Variants in NR3C1 observed in about 807,000 individuals in gnomAD.
NR3C1 encodes the protein nuclear receptor subfamily 3 group C member 1.
Under a neutral mutation model 74.0 loss-of-function variants are expected in NR3C1, and 14 were observed. The ratio of observed to expected loss-of-function variants is 0.19; its 90% confidence interval spans 0.12 to 0.30. NR3C1 has a LOEUF of 0.30. Ranked by LOEUF, NR3C1 falls within the 10% of genes least tolerant of loss-of-function variation. The probability of loss-of-function intolerance (pLI) is 1.00; values close to 1 mark genes in which losing one functional copy is unlikely to be tolerated. For missense variants in NR3C1, 695 were observed against 909.8 expected, an observed-to-expected ratio of 0.76 and a Z score of 3.04; for synonymous variants, 308 against 332.5, an observed-to-expected ratio of 0.93 and a Z score of 0.80.
intron 2 of NR3C1, among the ~76,000 whole-genome samples, chr5:143,377,578 G>GA (rs1835433824): frequency 6.6e-6 from 1 of 152,216 alleles, no homozygotes; most frequent in Non-Finnish European, 1.5e-5. Flanking sequence ...TTTGAGGTCA[G>GA]AAAAAACACA....
At position 143,303,830 on chromosome 5, in the gene NR3C1, A is replaced by C. The variant is rs1819015759; in HGVS notation, c.1469-3067T>G. On this transcript the variant is annotated intron_variant, in intron 4 of 8. Coordinates refer to ENST00000394464, the MANE Select transcript of NR3C1 (RefSeq NM_000176.3). ...CCACATAACAAAAAAAATAATGATCATCTCAATAGATGCAGAAAAAGTTGC... is the reference window on the plus strand; with the variant it reads ...CCACATAACAAAAAAAATAATGATCCTCTCAATAGATGCAGAAAAAGTTGC... Among the ~76,000 whole-genome samples, 3 of 152,178 alleles carry C rather than the reference A, an allele frequency of 2.0e-5. No homozygotes were observed. In the South Asian group the frequency reaches 6.2e-4, roughly 31 times the overall value.
At chr5:143,310,317 A>G (rs1820615207) in intron 3 of NR3C1, 104 bp from the exon 4 acceptor site, 2 of 814,918 alleles carry the variant, frequency 2.5e-6, no homozygotes, top group Admixed American at 3.8e-5. Context: ...CAAGACACCC[A>G]CAGGTATTGC....
At chr5:143,364,897 G>A (rs1316337966) in intron 2 of NR3C1, among the ~76,000 whole-genome samples, 2 of 152,000 alleles carry the variant, frequency 1.3e-5, no homozygotes, top group African/African-American at 2.4e-5. Context: ...TGTAGAGACA[G>A]TATCTCAGTA....
chr5:143,367,311 A>G lies in NR3C1; in HGVS notation c.1184+32345T>C, dbSNP rs1162112443. Among the ~76,000 whole-genome samples, 6 of 152,196 alleles carry G rather than the reference A, an allele frequency of 3.9e-5. No individual in the cohort carries two copies. In the East Asian group the frequency reaches 1.2e-3, roughly 29 times the overall value. On this transcript the variant is annotated intron_variant, in intron 2 of 8. Transcript: ENST00000394464. ...AACTATGAAAACCCCACAACAACAC[A>G]CTTAAACTGAAAGGTTTCCCCACAA...
In NR3C1 at chr5:143,319,450, T is replaced by C. The variant is rs547893887; in HGVS notation, c.1185-5282A>G. Among the ~76,000 whole-genome samples the C allele has an allele frequency of 1.6e-4, 24 of 152,322 alleles. No individual in the cohort carries two copies. The South Asian group carries it at 1.7e-3, about 11-fold the overall frequency. On this transcript the variant is annotated intron_variant, in intron 2 of 8. Transcript: ENST00000394464. ...TCACCTCAGAAAGCAAGTGTTAATA[T>C]GGAAAAAAATTCCAGAAATACAGCT...
chr5:143,409,381 A>G (rs1196179428), intron 1 of NR3C1: 1 of 151,820 alleles, frequency 6.6e-6, no homozygotes, highest in Non-Finnish European at 1.5e-5. Context: ...TTCAGTTTCC[A>G]TTTATTCTTT....
At chr5:143,384,449 A>C (rs916059955) in intron 2 of NR3C1, among the ~76,000 whole-genome samples, 2 of 152,226 alleles carry the variant, frequency 1.3e-5, no homozygotes, top group Non-Finnish European at 2.9e-5. Flanking sequence ...GGGTCAAGGC[A>C]AGTCCACTCT....
chr5:143,392,802 A>G (rs568386871), intron 2 of NR3C1, among the ~76,000 whole-genome samples: 1 of 152,338 alleles, frequency 6.6e-6, no homozygotes, highest in African/African-American at 2.4e-5. Flanking sequence ...AAAAATCTAA[A>G]TGAGTCAAAA....
chr5:143,424,374 G>T (rs939133372), intron 1 of NR3C1, among the ~76,000 whole-genome samples: 6 of 152,082 alleles, frequency 3.9e-5, no homozygotes, highest in African/African-American at 1.4e-4. Context: ...GAATTGCAAT[G>T]CTTCTAACAC....
At chr5:143,347,252 G>C (rs572021610) in intron 2 of NR3C1, among the ~76,000 whole-genome samples, 2 of 152,274 alleles carry the variant, frequency 1.3e-5, no homozygotes, top group African/African-American at 4.8e-5. Context: ...GAAGAATATA[G>C]TCTGTAACAT....
chr5:143,397,470 C>T (rs1311422786), intron 2 of NR3C1, among the ~76,000 whole-genome samples: 1 of 151,836 alleles, frequency 6.6e-6, no homozygotes, highest in African/African-American at 2.4e-5. Flanking sequence ...TAGACTAATT[C>T]AATGATGGTT....
At chr5:143,298,947 T>C (rs922944203) in intron 5 of NR3C1, 135 bp from the exon 6 acceptor site, 1 of 748,446 alleles carries the variant, frequency 1.3e-6, no homozygotes, top group Admixed American at 2.1e-5. Context: ...AATTAAATAC[T>C]AGGTAGACAC....
At chr5:143,387,961 T>C (rs1837553545) in intron 2 of NR3C1, among the ~76,000 whole-genome samples, 1 of 152,204 alleles carries the variant, frequency 6.6e-6, no homozygotes, top group Non-Finnish European at 1.5e-5. Flanking sequence ...ATTAGACTCA[T>C]CTGCTTAAAT....
intron 2 of NR3C1, among the ~76,000 whole-genome samples, chr5:143,380,179 T>A (rs1835929004): frequency 6.6e-6 from 1 of 152,190 alleles, no homozygotes; most frequent in Non-Finnish European, 1.5e-5. Flanking sequence ...ATGCAAAAGC[T>A]TGATATTAAG....
chr5:143,389,668 A>C (rs1024126073), intron 2 of NR3C1, among the ~76,000 whole-genome samples: 3 of 152,166 alleles, frequency 2.0e-5, no homozygotes, highest in African/African-American at 7.2e-5. Flanking sequence ...TTACTTCACC[A>C]ATTTGTCTTT....
chr5:143,328,260 C>T (rs1825084280), intron 2 of NR3C1, among the ~76,000 whole-genome samples: 1 of 152,174 alleles, frequency 6.6e-6, no homozygotes, highest in Non-Finnish European at 1.5e-5. Flanking sequence ...ATCAGGGATG[C>T]AGGGCACCAT....
chr5:143,418,879 G>A (rs1751064174), intron 1 of NR3C1, among the ~76,000 whole-genome samples: 1 of 152,270 alleles, frequency 6.6e-6, no homozygotes, highest in South Asian at 2.1e-4. Context: ...AGTTACCTCT[G>A]TTTCCTCATC....
At chr5:143,420,800 A>G (rs1459819454) in intron 1 of NR3C1, among the ~76,000 whole-genome samples, 1 of 152,142 alleles carries the variant, frequency 6.6e-6, no homozygotes, top group Non-Finnish European at 1.5e-5. Context: ...CTTTTCAACA[A>G]TCATTGGGAA....
chr5:143,366,935 A>G (rs1281387142), intron 2 of NR3C1, among the ~76,000 whole-genome samples: 4 of 152,206 alleles, frequency 2.6e-5, no homozygotes, highest in African/African-American at 9.7e-5. Flanking sequence ...AACACTTAGT[A>G]AACTATACAG....
Sources: gnomAD v4.1 joint callset for allele counts (sites outside exome capture counted in the v4.1 genomes callset) on GRCh38, gnomAD v4.1.1 for gene constraint, MANE v1.5 for transcripts, NCBI Gene and HGNC (gene_info 2026-07-23, HGNC 2026-07-21) for gene names.